VIT: variants seen among roughly 807,000 people sequenced by gnomAD.
The protein encoded by VIT is vitrin.
In VIT, 99 loss-of-function variants were observed where a neutral mutation model predicts 78.0. That is an observed-to-expected ratio of 1.27 (90% CI 1.08 to 1.50). The LOEUF is 1.50. VIT is among the 40% of genes most tolerant of loss of function. VIT has a pLI of 0.00. For synonymous variants in VIT, 374 were observed against 334.3 expected, an observed-to-expected ratio of 1.12 and a Z score of -1.29; for missense variants, 1,126 against 875.3, an observed-to-expected ratio of 1.29 and a Z score of -3.61.
At position 36,729,477 on chromosome 2, in the gene VIT, A is replaced by G. The variant is rs775508872; in HGVS notation, c.104A>G (p.Lys35Arg). ...HSNKETAKKIKRPKFTVPQIN... is the reference protein window; with the variant it reads ...HSNKETAKKIRRPKFTVPQIN... ...AACAAAGAAACGGCAAAGAAGATTA[A>G]AAGGCCCAAGTTCAGTAAGTAAAAT... is the stretch of plus-strand genomic sequence containing the variant. Residue 35 changes from lysine to arginine, a missense_variant, in exon 3 of 16, where the codon AAA (lysine) becomes AGA (arginine). Coordinates refer to ENST00000379242, the MANE Select transcript of VIT (RefSeq NM_053276.4). 6.2e-7 allele frequency: 1 copy of G among 1,609,290 alleles called. No homozygotes were observed. Among genetic ancestry groups the G allele is most frequent in the Non-Finnish European group, 8.5e-7 (1 of 1,177,948 alleles).
intron 9 of VIT, 52 bp downstream of exon 9, chr2:36,775,119 C>A: frequency 6.2e-7 from 1 of 1,603,794 alleles, no homozygotes; most frequent in Non-Finnish European, 8.5e-7. Context: ...TGCTCTGTGG[C>A]ACTTTGCAAA....
intron 1 of VIT, among the ~76,000 whole-genome samples, chr2:36,715,652 C>A (rs1666082903): frequency 6.6e-6 from 1 of 152,140 alleles, no homozygotes; most frequent in Non-Finnish European, 1.5e-5. Context: ...TTAACTAGAC[C>A]CAAAGCCAAG....
chr2:36,756,114 T>C (rs1026772538), intron 5 of VIT, among the ~76,000 whole-genome samples: 1 of 151,928 alleles, frequency 6.6e-6, no homozygotes, highest in Non-Finnish European at 1.5e-5. Flanking sequence ...TGTGCCACCA[T>C]GCCCGGCTAA....
At position 36,771,550 on chromosome 2, in the gene VIT, G is replaced by GA. The variant is rs34430618; in HGVS notation, c.680-2229dup. On this transcript the variant is annotated intron_variant, in intron 7 of 15. Coordinates refer to ENST00000379242, the MANE Select transcript of VIT (RefSeq NM_053276.4). ...CAAAAAAAAAAAAGAAAAAGAAAAAGAAAAAAAAAAAAGATGTTCAGCTTC... is the reference window on the plus strand; with the variant it reads ...CAAAAAAAAAAAAGAAAAAGAAAAAGAAAAAAAAAAAAAGATGTTCAGCTTC... Among the ~76,000 whole-genome samples, 259 of 132,044 alleles carry GA rather than the reference G, an allele frequency of 2.0e-3. 3 individuals carry two copies. Among genetic ancestry groups the GA allele is most frequent in the African/African-American group, 5.2e-3 (183 of 35,018 alleles). The allele number at this position is 132,044 out of a possible 152,430, so 86.6% of individuals were successfully genotyped here.
At chr2:36,746,567 AT>A (rs1163823070) in intron 4 of VIT, among the ~76,000 whole-genome samples, 6 of 151,920 alleles carry the variant, frequency 3.9e-5, no homozygotes, top group African/African-American at 1.4e-4. Context: ...TTTCCTGTAG[AT>A]TTTCTAGCTT....
At chr2:36,776,923 A>G (rs1330279045) in intron 9 of VIT, among the ~76,000 whole-genome samples, 2 of 150,966 alleles carry the variant, frequency 1.3e-5, no homozygotes, top group South Asian at 2.1e-4. Flanking sequence ...CTCCGTCTCT[A>G]CTAAAAACAC....
intron 13 of VIT, among the ~76,000 whole-genome samples, chr2:36,802,764 A>G (rs1368749847): frequency 1.3e-5 from 2 of 152,218 alleles, no homozygotes; most frequent in African/African-American, 4.8e-5. Context: ...AGTGGATGAC[A>G]TGTTCTGACT....
chr2:36,733,224 G>A (rs761745673), intron 3 of VIT, among the ~76,000 whole-genome samples: 19 of 152,310 alleles, frequency 1.2e-4, no homozygotes, highest in Non-Finnish European at 2.2e-4. Flanking sequence ...AGGAAATACA[G>A]CTGTAACTCC....
At chr2:36,720,699 G>C (rs1327930575) in intron 2 of VIT, among the ~76,000 whole-genome samples, 1 of 152,178 alleles carries the variant, frequency 6.6e-6, no homozygotes, top group East Asian at 1.9e-4. Context: ...GAAATAGGGA[G>C]ATGCTGGTCA....
chr2:36,703,905 TGG>T, intron 1 of VIT, among the ~76,000 whole-genome samples: 1 of 121,874 alleles, frequency 8.2e-6, no homozygotes, highest in South Asian at 2.6e-4. Flanking sequence ...TTTGTTTGTT[TGG>T]GGTTTTTTTT....
At chr2:36,764,789 G>A (rs961924893) in intron 6 of VIT, among the ~76,000 whole-genome samples, 8 of 151,992 alleles carry the variant, frequency 5.3e-5, no homozygotes, top group Admixed American at 1.3e-4. Flanking sequence ...TGCTGTTGGC[G>A]GTGGGTCTAA....
Position 36,808,372 on chromosome 2 carries a change from G to C in VIT, c.1390-100G>C, listed in dbSNP as rs1027239900. On this transcript the variant is annotated intron_variant, in intron 14 of 15. Coordinates refer to ENST00000379242, the MANE Select transcript of VIT (RefSeq NM_053276.4). ...AGGAGGGCTAGTGCAGAAAACAAGG[G>C]CCTGCTTGCTTCTTCACCTGCCCCG... 1.1e-5 allele frequency: 16 copies of C among 1,441,584 alleles called. No homozygotes were observed. In the Admixed American group the frequency reaches 4.1e-4, roughly 37 times the overall value. 89.3% of individuals were successfully genotyped at this position (1,441,584 alleles called of 1,614,324 possible).
At chr2:36,712,185 A>C (rs1305254515) in intron 1 of VIT, among the ~76,000 whole-genome samples, 1 of 152,054 alleles carries the variant, frequency 6.6e-6, no homozygotes, top group Non-Finnish European at 1.5e-5. Context: ...GCACATTTAC[A>C]TTTTAAGTGC....
intron 5 of VIT, among the ~76,000 whole-genome samples, chr2:36,756,352 G>A (rs1410716864): frequency 1.3e-5 from 2 of 152,152 alleles, no homozygotes; most frequent in Admixed American, 1.3e-4. Flanking sequence ...AAACTAGATT[G>A]TAGCCAACTT....
At position 36,756,381 on chromosome 2, in the gene VIT, T is replaced by G. The variant is rs139636886; in HGVS notation, c.409+1327T>G. ...CCAACTTCCTGGCCTCCCAACAAAA[T>G]TAGGTGCCTTGGGACTGTCCTGAGA... On this transcript the variant is annotated intron_variant, in intron 5 of 15. Transcript: ENST00000379242. 3.3e-3 allele frequency among the ~76,000 whole-genome samples: 506 copies of G among 152,284 alleles called. 2 individuals are homozygous for G. The highest frequency in any genetic ancestry group is 0.011 in the African/African-American group (467 of 41,552).
At chr2:36,813,268 G>A (rs1667317977) in intron 15 of VIT, among the ~76,000 whole-genome samples, 1 of 151,870 alleles carries the variant, frequency 6.6e-6, no homozygotes, top group Non-Finnish European at 1.5e-5. Flanking sequence ...TGGCAAACAT[G>A]GTGAAACCCT....
chr2:36,808,864 C>A lies in VIT; in HGVS notation c.1782C>A (p.Asn594Lys). The change falls in exon 15 of 16, where the codon AAC becomes AAA. Residue 594 changes from asparagine to lysine, a missense_variant. Coordinates refer to ENST00000379242, the MANE Select transcript of VIT (RefSeq NM_053276.4). Reference sequence around the variant, plus strand: ...GCACCAGCACGGGGGCTGCCATCAACTTCGCCCTGGAGCAGCTCTTCAAGA... The same window carrying A: ...GCACCAGCACGGGGGCTGCCATCAAATTCGCCCTGGAGCAGCTCTTCAAGA... ...SGGTSTGAAI[N>K]FALEQLFKKS... The A allele has an allele frequency of 6.2e-7, 1 of 1,614,198 alleles. No individual in the cohort carries two copies. The highest frequency in any genetic ancestry group is 8.5e-7 in the Non-Finnish European group (1 of 1,180,040).
At chr2:36,804,832 GA>G (rs796835021) in intron 13 of VIT, among the ~76,000 whole-genome samples, 2,520 of 140,734 alleles carry the variant, frequency 0.018, 59 homozygotes, top group African/African-American at 0.057. Context: ...CTGTCTCAGG[GA>G]AAAAAAAAAA....
intron 2 of VIT, among the ~76,000 whole-genome samples, chr2:36,720,924 T>A (rs1431928048): frequency 2.0e-5 from 3 of 151,940 alleles, no homozygotes. Context: ...GCAAGAGAAT[T>A]GCTGGAACCC....
Sources: gnomAD v4.1 joint callset for allele counts (sites outside exome capture counted in the v4.1 genomes callset) on GRCh38, gnomAD v4.1.1 for gene constraint, MANE v1.5 for transcripts, NCBI Gene and HGNC (gene_info 2026-07-23, HGNC 2026-07-21) for gene names.